TENM2: variants seen among roughly 807,000 people sequenced by gnomAD.
TENM2 encodes teneurin transmembrane protein 2, also known as teneurin-2.
In TENM2, 52 loss-of-function variants were observed where a neutral mutation model predicts 245.2. That is an observed-to-expected ratio of 0.21 (90% CI 0.17 to 0.27). The LOEUF is 0.27. TENM2 is among the 10% of genes least tolerant of loss of function. The probability of loss-of-function intolerance (pLI) is 1.00; values close to 1 mark genes in which losing one functional copy is unlikely to be tolerated. For missense variants in TENM2, 3,046 were observed against 3,666.8 expected, an observed-to-expected ratio of 0.83 and a Z score of 4.37; for synonymous variants, 1,363 against 1,438.9, an observed-to-expected ratio of 0.95 and a Z score of 1.19.
chr5:167,151,723 T>G, the TENM2 span, among the ~76,000 whole-genome samples: 15 of 152,296 alleles, frequency 9.8e-5, no homozygotes, highest in African/African-American at 3.6e-4. Context: ...TTCACCATGT[T>G]GGCCACGACG....
At chr5:166,989,183 C>G in the TENM2 span, among the ~76,000 whole-genome samples, 4 of 151,660 alleles carry the variant, frequency 2.6e-5, no homozygotes, top group African/African-American at 4.8e-5. Flanking sequence ...GATTCTCCTG[C>G]CTCAGCCTCC....
intron 1 of TENM2, among the ~76,000 whole-genome samples, chr5:167,295,563 G>A (rs1027688048): frequency 6.6e-6 from 1 of 152,100 alleles, no homozygotes; most frequent in African/African-American, 2.4e-5. Flanking sequence ...TCCAGGAGTG[G>A]CACTGCCCCA....
In TENM2 at chr5:168,106,551, G is replaced by A. The variant is rs999377572; in HGVS notation, c.1813+8424G>A. Among the ~76,000 whole-genome samples, 6 of 152,344 alleles carry A rather than the reference G, an allele frequency of 3.9e-5. No homozygotes were observed. In the Middle Eastern group the frequency reaches 0.01, roughly 259 times the overall value. ...CTCAAAATCACTGAGCAAGTAAGTGGAATTGTTGGGATTCCAACCAGGCAG... is the reference window on the plus strand; with the variant it reads ...CTCAAAATCACTGAGCAAGTAAGTGAAATTGTTGGGATTCCAACCAGGCAG... On this transcript the variant is annotated intron_variant, in intron 9 of 28. Coordinates refer to ENST00000518659, the Ensembl canonical transcript of TENM2.
At chr5:167,396,148 T>C (rs1762036426) in intron 2 of TENM2, among the ~76,000 whole-genome samples, 1 of 152,140 alleles carries the variant, frequency 6.6e-6, no homozygotes, top group Admixed American at 6.6e-5. Flanking sequence ...CTCAAAGGGA[T>C]AGATGCACCC....
the TENM2 span, among the ~76,000 whole-genome samples, chr5:167,077,105 C>G: frequency 1.3e-5 from 2 of 152,212 alleles, no homozygotes; most frequent in Non-Finnish European, 2.9e-5. Context: ...GGATTACAAC[C>G]ATGAGCCACT....
At chr5:167,689,700 A>G (rs1300117633) in intron 2 of TENM2, among the ~76,000 whole-genome samples, 2 of 152,164 alleles carry the variant, frequency 1.3e-5, no homozygotes, top group Non-Finnish European at 2.9e-5. Context: ...GCTAAATTCT[A>G]TCAGTGAAGG....
intron 2 of TENM2, among the ~76,000 whole-genome samples, chr5:167,760,744 C>T (rs1398163272): frequency 6.6e-6 from 1 of 152,166 alleles, no homozygotes; most frequent in Non-Finnish European, 1.5e-5. Context: ...ACCTCTGCCT[C>T]CCAAGTTCAA....
the TENM2 span, among the ~76,000 whole-genome samples, chr5:167,039,697 A>G: frequency 6.6e-6 from 1 of 151,638 alleles, no homozygotes; most frequent in Non-Finnish European, 1.5e-5. Context: ...GAAGCCTTAC[A>G]TAAGTGTTAG....
chr5:167,230,410 C>G, the TENM2 span, among the ~76,000 whole-genome samples: 1 of 152,170 alleles, frequency 6.6e-6, no homozygotes, highest in Non-Finnish European at 1.5e-5. Flanking sequence ...TGACACTTCT[C>G]TGTTGGATTC....
At chr5:167,658,620 C>T (rs1344034102) in intron 2 of TENM2, among the ~76,000 whole-genome samples, 1 of 152,132 alleles carries the variant, frequency 6.6e-6, no homozygotes, top group Non-Finnish European at 1.5e-5. Context: ...ATTCAGACCA[C>T]AGCAATGCCA....
chr5:167,267,503 A>G, the TENM2 span, among the ~76,000 whole-genome samples: 2 of 152,152 alleles, frequency 1.3e-5, no homozygotes, highest in Admixed American at 6.6e-5. Flanking sequence ...GGGAGGGAAT[A>G]TTCCCCTCTC....
intron 2 of TENM2, among the ~76,000 whole-genome samples, chr5:167,575,341 T>C (rs760081857): frequency 2.0e-5 from 3 of 152,180 alleles, no homozygotes; most frequent in Non-Finnish European, 4.4e-5. Context: ...CTTCAGTACC[T>C]GTACTAGGTT....
At chr5:167,111,391 G>T in the TENM2 span, among the ~76,000 whole-genome samples, 1 of 151,952 alleles carries the variant, frequency 6.6e-6, no homozygotes, top group Admixed American at 6.6e-5. Flanking sequence ...TAGCAAATCT[G>T]GTCTATTCAT....
At chr5:168,108,194 T>C (rs1239833550) in intron 9 of TENM2, among the ~76,000 whole-genome samples, 11 of 151,848 alleles carry the variant, frequency 7.2e-5, no homozygotes, top group Non-Finnish European at 7.4e-5. Flanking sequence ...AGGGAGGGCA[T>C]GAGCAAAGGA....
At chr5:167,061,584 T>A in the TENM2 span, among the ~76,000 whole-genome samples, 1 of 152,178 alleles carries the variant, frequency 6.6e-6, no homozygotes, top group Non-Finnish European at 1.5e-5. Flanking sequence ...ACAGTAATTT[T>A]TCTCACAGAG....
chr5:167,117,166 G>A, the TENM2 span, among the ~76,000 whole-genome samples: 1 of 152,210 alleles, frequency 6.6e-6, no homozygotes, highest in Non-Finnish European at 1.5e-5. Flanking sequence ...GTAATTCACT[G>A]AATCAGTTAA....
intron 4 of TENM2, among the ~76,000 whole-genome samples, chr5:167,989,651 G>T (rs1200517537): frequency 1.3e-5 from 2 of 152,150 alleles, no homozygotes; most frequent in Non-Finnish European, 2.9e-5. Context: ...CACTGGCACT[G>T]TGGCTTGGGA....
Position 167,334,179 on chromosome 5 carries a change from A to G in TENM2, c.227-41019A>G, listed in dbSNP as rs1222547828. On this transcript the variant is annotated intron_variant, in intron 1 of 28. Transcript: ENST00000518659. ...CAATTTTGACAATGGGAAAATTAAA[A>G]TGAAGACAGGTTAAGTAGCTTACTA... 2.0e-5 allele frequency among the ~76,000 whole-genome samples: 3 copies of G among 152,198 alleles called. No homozygotes were observed. In the East Asian group the frequency reaches 5.8e-4, roughly 29 times the overall value.
intron 2 of TENM2, among the ~76,000 whole-genome samples, chr5:167,642,073 G>A (rs942894047): frequency 4.0e-5 from 6 of 151,134 alleles, no homozygotes; most frequent in Admixed American, 2.0e-4. Flanking sequence ...CCCAGGAGGC[G>A]GAGGTTGCAG....
Sources: gnomAD v4.1 joint callset for allele counts (sites outside exome capture counted in the v4.1 genomes callset) on GRCh38, gnomAD v4.1.1 for gene constraint, MANE v1.5 for transcripts, NCBI Gene and HGNC (gene_info 2026-07-23, HGNC 2026-07-21) for gene names.